The following PIP4K2A variants were observed in gnomAD, a reference collection of about 807,000 sequenced individuals.
PIP4K2A encodes the protein phosphatidylinositol 5-phosphate 4-kinase type-2 alpha.
A neutral mutation model predicts 42.9 loss-of-function variants in PIP4K2A; 14 were observed. The ratio of observed to expected loss-of-function variants is 0.33; its 90% CI spans 0.22 to 0.51. PIP4K2A has a LOEUF of 0.51. PIP4K2A is among the 20% of genes least tolerant of loss of function. The pLI, the probability that PIP4K2A is intolerant of heterozygous loss-of-function variation, is 0.97. For missense variants in PIP4K2A, 434 were observed against 519.8 expected (o/e 0.83, Z 1.61); for synonymous variants, 192 against 192.2 (o/e 1.00, Z 0.01).
At chr10:22,658,242 T>C (rs1339457788) in intron 1 of PIP4K2A, among the ~76,000 whole-genome samples, 1 of 152,174 alleles carries the variant, frequency 6.6e-6, no homozygotes, top group African/African-American at 2.4e-5. Context: ...CTATAGAAAA[T>C]GTTAACAGTT....
At chr10:22,676,383 G>A (rs990038456) in intron 1 of PIP4K2A, among the ~76,000 whole-genome samples, 8 of 152,090 alleles carry the variant, frequency 5.3e-5, no homozygotes, top group African/African-American at 1.9e-4. Flanking sequence ...AGACTTCAAG[G>A]ACCAGTCTTC....
intron 1 of PIP4K2A, among the ~76,000 whole-genome samples, chr10:22,692,999 C>A (rs1839904510): frequency 6.6e-6 from 1 of 152,172 alleles, no homozygotes; most frequent in Non-Finnish European, 1.5e-5. Flanking sequence ...GTGTGTGTCC[C>A]ATTTTGCCTT....
At chr10:22,596,136 C>T (rs1037021924) in intron 3 of PIP4K2A, among the ~76,000 whole-genome samples, 8 of 129,592 alleles carry the variant, frequency 6.2e-5, no homozygotes, top group East Asian at 2.5e-4. Flanking sequence ...ACCTGGGAGG[C>T]GGAGGCTGCA....
intron 1 of PIP4K2A, among the ~76,000 whole-genome samples, chr10:22,656,250 T>C (rs1336508149): frequency 6.6e-6 from 1 of 152,252 alleles, no homozygotes; most frequent in Middle Eastern, 3.2e-3. Flanking sequence ...GTTAGTGTCC[T>C]GTGTCCCCAC....
intron 9 of PIP4K2A, among the ~76,000 whole-genome samples, chr10:22,538,967 T>C (rs1836011990): frequency 6.6e-6 from 1 of 152,152 alleles, no homozygotes; most frequent in Admixed American, 6.5e-5. Context: ...TTCTGGTGAA[T>C]CTTCATTAGT....
chr10:22,601,596 G>A (rs1387131519), intron 3 of PIP4K2A, among the ~76,000 whole-genome samples: 2 of 152,226 alleles, frequency 1.3e-5, no homozygotes, highest in African/African-American at 4.8e-5. Context: ...ATAAAGGAAT[G>A]ACAGTGCTTA....
At position 22,536,958 on chromosome 10, in the gene PIP4K2A, C is replaced by G. The variant is rs1376969871; in HGVS notation, c.*243G>C. The G allele has an allele frequency of 2.5e-5, 1 of 40,600 alleles. No homozygotes were observed. 2.5% of individuals were successfully genotyped at this position (40,600 alleles called of 1,614,324 possible). A position where few individuals can be genotyped will look rare whatever the true frequency, so the allele number is the denominator to read the frequency against. ...AAATGCACACGCGCGCACACACTCA[C>G]CCCCCCCCAACACACACACACACAC... is the stretch of plus-strand genomic sequence containing the variant. On this transcript the variant is annotated 3_prime_UTR_variant, in exon 10 of 10. Coordinates refer to ENST00000376573, the MANE Select transcript of PIP4K2A (RefSeq NM_005028.5).
At chr10:22,693,733 A>G (rs1839917988) in intron 1 of PIP4K2A, among the ~76,000 whole-genome samples, 1 of 152,136 alleles carries the variant, frequency 6.6e-6, no homozygotes. Context: ...GTTGGGAGAC[A>G]TAATTCTGGT....
At chr10:22,623,827 C>T (rs1214684585) in intron 1 of PIP4K2A, among the ~76,000 whole-genome samples, 5 of 152,202 alleles carry the variant, frequency 3.3e-5, no homozygotes, top group African/African-American at 7.2e-5. Flanking sequence ...CAAGAAGCCA[C>T]GTGGCAGGCC....
At position 22,714,356 on chromosome 10, in the gene PIP4K2A, T is replaced by A. The variant is rs746998695; in HGVS notation, c.-30A>T. 6.6e-7 allele frequency: 1 copy of A among 1,519,064 alleles called. No individual in the cohort carries two copies. The highest frequency in any genetic ancestry group is 8.9e-7 in the Non-Finnish European group (1 of 1,129,096). The allele number at this position is 1,519,064 out of a possible 1,614,324, so 94.1% of individuals were successfully genotyped here. A position where few individuals can be genotyped will look rare whatever the true frequency, so the allele number is the denominator to read the frequency against. ...GCCTCCTATGTCCCCTCCACCGCCGTGCTCCCGAGGCCGGGGACCCGCCCT... is the reference window on the plus strand; with the variant it reads ...GCCTCCTATGTCCCCTCCACCGCCGAGCTCCCGAGGCCGGGGACCCGCCCT... On this transcript the variant is annotated 5_prime_UTR_variant, in exon 1 of 10. Transcript: ENST00000376573.
In PIP4K2A at chr10:22,632,435, T is replaced by A. The variant is rs147243214; in HGVS notation, c.145-22718A>T. On this transcript the variant is annotated intron_variant, in intron 1 of 9. Coordinates refer to ENST00000376573, the MANE Select transcript of PIP4K2A (RefSeq NM_005028.5). ...TTAAAATGGTATTTTTAGTATAGTA[T>A]GTACAACATTGTTTTTCTCCCTAAT... Among the ~76,000 whole-genome samples, 182 of 152,344 alleles carry A rather than the reference T, an allele frequency of 1.2e-3. 2 individuals carry two copies. Among genetic ancestry groups the A allele is most frequent in the African/African-American group, 4.1e-3 (171 of 41,578 alleles).
chr10:22,580,471 G>A (rs1235761585), intron 4 of PIP4K2A, among the ~76,000 whole-genome samples: 3 of 151,886 alleles, frequency 2.0e-5, no homozygotes, highest in South Asian at 4.1e-4. Context: ...CCAACATGGC[G>A]AAACTCCATC....
At chr10:22,691,530 T>G (rs1839867360) in intron 1 of PIP4K2A, 1 of 152,212 alleles carries the variant, frequency 6.6e-6, no homozygotes, top group Non-Finnish European at 1.5e-5. Context: ...TATTCCTTAC[T>G]TTTTATCATA....
At position 22,536,017 on chromosome 10, in the gene PIP4K2A, T is replaced by G. The variant is rs543036149; in HGVS notation, c.*1184A>C. The G allele has an allele frequency of 5.0e-6, 2 of 398,136 alleles. No individual in the cohort carries two copies. The highest frequency in any genetic ancestry group is 4.1e-5 in the African/African-American group (2 of 48,754). 24.7% of individuals were successfully genotyped at this position (398,136 alleles called of 1,614,324 possible). On this transcript the variant is annotated 3_prime_UTR_variant, in exon 10 of 10. Coordinates refer to ENST00000376573, the MANE Select transcript of PIP4K2A (RefSeq NM_005028.5). ...GACAAACGTTATTTCACCTATACTGTGACTTTACATGTAAACTTCAAAAAT... is the reference window on the plus strand; with the variant it reads ...GACAAACGTTATTTCACCTATACTGGGACTTTACATGTAAACTTCAAAAAT...
At chr10:22,712,989 A>C (rs892235551) in intron 1 of PIP4K2A, among the ~76,000 whole-genome samples, 1 of 151,602 alleles carries the variant, frequency 6.6e-6, no homozygotes, top group Non-Finnish European at 1.5e-5. Context: ...TGTCATTTCC[A>C]TTACGCTGAA....
chr10:22,577,768 C>G (rs11013054), intron 4 of PIP4K2A, among the ~76,000 whole-genome samples: 76,815 of 152,026 alleles, frequency 0.51, 20,153 homozygotes, highest in East Asian at 0.88. Flanking sequence ...CTCAACCTCT[C>G]TCCCTCCACT....
At position 22,539,886 on chromosome 10, in the gene PIP4K2A, G is replaced by GGGGGGAGAGAGAGAGAGA. The variant is rs1390963717; in HGVS notation, c.1140+84_1140+85insTCTCTCTCTCTCTCCCCC. ...AGTTACAGGTCACACAGAGGAGCCA[G>GGGGGGAGAGAGAGAGAGA]GAGAGAGAGAGAGAGAGAGAGAGAG... On this transcript the variant is annotated intron_variant, in intron 9 of 9. Coordinates refer to ENST00000376573, the MANE Select transcript of PIP4K2A (RefSeq NM_005028.5). 6 of 699,526 alleles carry GGGGGGAGAGAGAGAGAGA rather than the reference G, an allele frequency of 8.6e-6. No homozygotes were observed. The African/African-American group carries it at 1.4e-4, about 16-fold the overall frequency. The allele number at this position is 699,526 out of a possible 1,614,324, so 43.3% of individuals were successfully genotyped here.
At chr10:22,667,586 T>C (rs1839372666) in intron 1 of PIP4K2A, among the ~76,000 whole-genome samples, 1 of 152,208 alleles carries the variant, frequency 6.6e-6, no homozygotes, top group Non-Finnish European at 1.5e-5. Context: ...GTGCTTCTCA[T>C]GTCACATTCC....
intron 9 of PIP4K2A, 59 bp downstream of exon 9, chr10:22,539,912 G>GGA (rs35358870): frequency 5.7e-5 from 26 of 452,216 alleles, no homozygotes; most frequent in South Asian, 3.6e-4. Context: ...AGAGAGAGAG[G>GGA]GAGAGAGAGA....
Sources: gnomAD v4.1 joint callset for allele counts (sites outside exome capture counted in the v4.1 genomes callset) on GRCh38, gnomAD v4.1.1 for gene constraint, MANE v1.5 for transcripts, NCBI Gene and HGNC (gene_info 2026-07-23, HGNC 2026-07-21) for gene names.